The following ZFAND3 variants were observed in gnomAD, a reference collection of about 807,000 sequenced individuals.
ZFAND3 encodes the protein AN1-type zinc finger protein 3.
ZFAND3 carries 10 observed loss-of-function variants against 29.6 expected under a neutral mutation model. The ratio of observed to expected loss-of-function variants is 0.34; its 90% CI spans 0.21 to 0.57. ZFAND3 has a LOEUF of 0.57. Ranked by LOEUF, ZFAND3 falls within the 20% of genes least tolerant of loss-of-function variation. ZFAND3 has a pLI of 0.86. For missense variants in ZFAND3, 230 were observed against 304.5 expected, an observed-to-expected ratio of 0.76 and a Z score of 1.82; for synonymous variants, 128 against 112.6, an observed-to-expected ratio of 1.14 and a Z score of -0.87.
At chr6:37,988,994 C>T (rs1762715490) in intron 2 of ZFAND3, among the ~76,000 whole-genome samples, 1 of 152,014 alleles carries the variant, frequency 6.6e-6, no homozygotes, top group Non-Finnish European at 1.5e-5. Context: ...AATTTCCACT[C>T]CCGGTTTCAA....
At chr6:37,968,281 TG>T (rs1447414044) in intron 2 of ZFAND3, among the ~76,000 whole-genome samples, 2 of 151,446 alleles carry the variant, frequency 1.3e-5, no homozygotes, top group Admixed American at 6.6e-5. Flanking sequence ...TAAGAATGGA[TG>T]GGGGAAAAAA....
At chr6:37,993,253 AC>A (rs1354268468) in intron 2 of ZFAND3, among the ~76,000 whole-genome samples, 1 of 152,150 alleles carries the variant, frequency 6.6e-6, no homozygotes, top group Non-Finnish European at 1.5e-5. Flanking sequence ...ACATGATGAA[AC>A]CATAGAGCTA....
At chr6:37,957,143 T>C (rs1042585053) in intron 2 of ZFAND3, among the ~76,000 whole-genome samples, 1 of 152,360 alleles carries the variant, frequency 6.6e-6, no homozygotes, top group Middle Eastern at 3.4e-3. Flanking sequence ...TTCAGTCTTT[T>C]AGTCTTTCTG....
intron 2 of ZFAND3, among the ~76,000 whole-genome samples, chr6:38,035,487 A>C (rs1045787114): frequency 1.3e-5 from 2 of 152,168 alleles, no homozygotes; most frequent in African/African-American, 4.8e-5. Flanking sequence ...AAAGGGAGAG[A>C]GGGTGATTTG....
intron 4 of ZFAND3, among the ~76,000 whole-genome samples, chr6:38,095,947 C>G (rs1187679764): frequency 6.6e-6 from 1 of 151,988 alleles, no homozygotes; most frequent in Non-Finnish European, 1.5e-5. Context: ...GTATGAGGAT[C>G]ACCTGAGCCC....
chr6:37,872,410 A>G (rs1373231003), intron 1 of ZFAND3, among the ~76,000 whole-genome samples: 2 of 152,190 alleles, frequency 1.3e-5, no homozygotes, highest in African/African-American at 4.8e-5. Context: ...CTTAGGAAGT[A>G]TCTCCTGGAA....
At position 37,977,775 on chromosome 6, in the gene ZFAND3, TTG is replaced by T. The variant is rs992767334; in HGVS notation, c.112+47778_112+47779del. 5.6e-4 allele frequency among the ~76,000 whole-genome samples: 81 copies of T among 145,748 alleles called. 3 individuals carry two copies. Among genetic ancestry groups the T allele is most frequent in the East Asian group, 2.8e-3 (13 of 4,670 alleles). ...TTTTATTTCTGGTTTGCTGAGTTTTTTGTTTTTTTTTTTTTTCAAATGAAGAA... is the reference window on the plus strand; with the variant it reads ...TTTTATTTCTGGTTTGCTGAGTTTTTTTTTTTTTTTTTTTCAAATGAAGAA... On this transcript the variant is annotated intron_variant, in intron 2 of 5. Transcript: ENST00000287218.
intron 1 of ZFAND3, among the ~76,000 whole-genome samples, chr6:37,883,685 GT>G (rs1764937877): frequency 6.9e-6 from 1 of 144,182 alleles, no homozygotes; most frequent in South Asian, 2.1e-4. Flanking sequence ...GGGATTACAG[GT>G]GCCCGCCACC....
intron 4 of ZFAND3, among the ~76,000 whole-genome samples, chr6:38,097,180 A>G (rs1451900423): frequency 1.3e-5 from 2 of 151,054 alleles, no homozygotes; most frequent in Admixed American, 1.3e-4. Context: ...GGCTCAAACG[A>G]TCCTCCTACC....
intron 4 of ZFAND3, among the ~76,000 whole-genome samples, chr6:38,083,862 A>G (rs1764711033): frequency 6.6e-6 from 1 of 152,132 alleles, no homozygotes; most frequent in Non-Finnish European, 1.5e-5. Flanking sequence ...CTCTGATCCT[A>G]TACTATTTTG....
chr6:37,893,954 GC>G (rs1581740642), intron 1 of ZFAND3, among the ~76,000 whole-genome samples: 1 of 151,886 alleles, frequency 6.6e-6, no homozygotes, highest in East Asian at 1.9e-4. Context: ...TACTAATTTT[GC>G]TTTACACATT....
intron 2 of ZFAND3, among the ~76,000 whole-genome samples, chr6:37,966,992 T>G (rs1187272844): frequency 6.6e-6 from 1 of 152,204 alleles, no homozygotes; most frequent in African/African-American, 2.4e-5. Context: ...TCATGTAAAT[T>G]ATGTTGTTCT....
intron 1 of ZFAND3, among the ~76,000 whole-genome samples, chr6:37,908,439 G>C (rs1005945453): frequency 2.0e-5 from 3 of 151,058 alleles, no homozygotes; most frequent in Non-Finnish European, 2.9e-5. Context: ...GTGCCATGCT[G>C]GTGCGCTGCA....
intron 1 of ZFAND3, among the ~76,000 whole-genome samples, chr6:37,921,212 G>A (rs1216373358): frequency 6.6e-6 from 1 of 152,070 alleles, no homozygotes; most frequent in Admixed American, 6.6e-5. Context: ...TTACAGACTA[G>A]TTTTTAGAAA....
intron 2 of ZFAND3, among the ~76,000 whole-genome samples, chr6:37,983,200 GGTGTACCAT>G (rs1394198730): frequency 2.0e-5 from 3 of 151,910 alleles, no homozygotes; most frequent in Non-Finnish European, 4.4e-5. Flanking sequence ...CAATAAATTT[GGTGTACCAT>G]GTGTACCGTT....
chr6:37,991,135 G>A (rs1762751748), intron 2 of ZFAND3, among the ~76,000 whole-genome samples: 1 of 152,058 alleles, frequency 6.6e-6, no homozygotes, highest in African/African-American at 2.4e-5. Flanking sequence ...GAAACCTCAG[G>A]AGTCTAAGGA....
chr6:38,027,053 AAG>A (rs1309224340), intron 2 of ZFAND3, among the ~76,000 whole-genome samples: 2 of 152,320 alleles, frequency 1.3e-5, no homozygotes, highest in East Asian at 3.9e-4. Flanking sequence ...CCAGTCCACG[AAG>A]AGAGGTCTTC....
chr6:38,030,216 A>C (rs1763533676), intron 2 of ZFAND3, among the ~76,000 whole-genome samples: 1 of 148,794 alleles, frequency 6.7e-6, no homozygotes, highest in Non-Finnish European at 1.5e-5. Context: ...TTGTAGAGAC[A>C]GGGTCTCTCT....
intron 2 of ZFAND3, among the ~76,000 whole-genome samples, chr6:38,005,308 T>C (rs1304729551): frequency 6.6e-6 from 1 of 152,224 alleles, no homozygotes; most frequent in Non-Finnish European, 1.5e-5. Flanking sequence ...GTCTCAAAGA[T>C]GGGTTTTAAT....
Sources: gnomAD v4.1 joint callset for allele counts (sites outside exome capture counted in the v4.1 genomes callset) on GRCh38, gnomAD v4.1.1 for gene constraint, MANE v1.5 for transcripts, NCBI Gene and HGNC (gene_info 2026-07-23, HGNC 2026-07-21) for gene names.